The following ZNF581 variants were observed in gnomAD, a reference collection of about 807,000 sequenced individuals.
ZNF581 encodes zinc finger protein 581.
Under a neutral mutation model 1.2 loss-of-function variants are expected in ZNF581, and 1 was observed. The observed-to-expected ratio is 0.83, with a 90% CI of 0.30 to 3.95. The LOEUF is 3.95. Ranked by LOEUF, ZNF581 falls within the 30% of genes most tolerant of loss-of-function variation. The probability of loss-of-function intolerance (pLI) is 0.18; values close to 1 mark genes in which losing one functional copy is unlikely to be tolerated. For missense variants in ZNF581, 273 were observed against 274.6 expected (o/e 0.99, Z 0.04); for synonymous variants, 105 against 109.2 (o/e 0.96, Z 0.24).
upstream of ZNF581, chr19:55,642,170 T>C (rs1982540484): frequency 2.8e-6 from 3 of 1,075,682 alleles, no homozygotes; most frequent in Admixed American, 5.3e-5. Context: ...TAGGGATTGA[T>C]TGTCTGCTGG....
chr19:55,642,623 C>A (rs766393842), upstream of ZNF581: 1 of 1,453,852 alleles, frequency 6.9e-7, no homozygotes, highest in Non-Finnish European at 9.1e-7. Context: ...CTCCTCCACT[C>A]CTTCCTCGGC....
chr19:55,642,459 G>A, upstream of ZNF581: 3 of 1,398,302 alleles, frequency 2.1e-6, no homozygotes, highest in Non-Finnish European at 2.8e-6. Flanking sequence ...CTAAAAGGAA[G>A]TGGCAATTTT....
upstream of ZNF581, among the ~76,000 whole-genome samples, chr19:55,636,046 G>A (rs187068597): frequency 1.2e-4 from 18 of 152,224 alleles, no homozygotes; most frequent in East Asian, 3.3e-3. Flanking sequence ...GAGAAGTGAG[G>A]TGAGGAAGTG....
chr19:55,645,378 T>C lies in ZNF581; in HGVS notation c.*213T>C. 2.1e-6 allele frequency: 1 copy of C among 478,040 alleles called. No individual in the cohort carries two copies. Among genetic ancestry groups the C allele is most frequent in the South Asian group, 5.3e-5 (1 of 18,886 alleles). The allele number at this position is 478,040 out of a possible 1,614,324, so 29.6% of individuals were successfully genotyped here. On this transcript the variant is annotated 3_prime_UTR_variant, in exon 2 of 2. Coordinates refer to ENST00000270451, the MANE Select transcript of ZNF581 (RefSeq NM_016535.4). ...TGGAGCTGAGATGGGAATGAGCCCC[T>C]ACACAGAATGGAGTCCTCTAGCCTA...
chr19:55,637,881 G>A (rs576523684), upstream of ZNF581, among the ~76,000 whole-genome samples: 1 of 152,194 alleles, frequency 6.6e-6, no homozygotes, highest in South Asian at 2.1e-4. Flanking sequence ...AGCAATGGCT[G>A]TTCCCGAGTG....
rs552229151 is a variant in ZNF581, at chr19:55,635,754, T to C, written c.-20+42T>C. 5.1e-6 allele frequency: 5 copies of C among 984,818 alleles called. 1 individual carries two copies. The Admixed American group carries it at 2.5e-4, about 49-fold the overall frequency. 61.0% of individuals were successfully genotyped at this position (984,818 alleles called of 1,614,324 possible). On this transcript the variant is annotated intron_variant, in intron 1 of 1. Coordinates refer to the ZNF581 transcript ENST00000587252. Reference sequence around the variant, plus strand: ...GGTGGGAAAGGTGGCTGAGGCCAGGTTGTGAGAGGCCTTTCATGGCAGGCT... The same window carrying C: ...GGTGGGAAAGGTGGCTGAGGCCAGGCTGTGAGAGGCCTTTCATGGCAGGCT...
upstream of ZNF581, chr19:55,643,002 T>C: frequency 7.3e-7 from 1 of 1,366,728 alleles, no homozygotes; most frequent in Non-Finnish European, 9.4e-7. Context: ...GCCGCGGAGC[T>C]GGCGCAGCAC....
At chr19:55,642,612 C>A, upstream of ZNF581, 1 of 1,456,864 alleles carries the variant, frequency 6.9e-7, no homozygotes, top group Non-Finnish European at 9.0e-7. Context: ...GCGGAAGGCC[C>A]CTCCTCCACT....
chr19:55,642,998 G>A (rs2123632005), upstream of ZNF581: 1 of 1,368,430 alleles, frequency 7.3e-7, no homozygotes, highest in Non-Finnish European at 9.4e-7. Context: ...GGACGCCGCG[G>A]AGCTGGCGCA....
At chr19:55,636,992 C>T (rs1982130795), upstream of ZNF581, among the ~76,000 whole-genome samples, 1 of 152,128 alleles carries the variant, frequency 6.6e-6, no homozygotes, top group African/African-American at 2.4e-5. Flanking sequence ...TCTGGGTTTA[C>T]TCTAAGGGCA....
chr19:55,645,257 C>G lies in ZNF581; in HGVS notation c.*92C>G. On this transcript the variant is annotated 3_prime_UTR_variant, in exon 2 of 2. Transcript: ENST00000270451. The stretch of plus-strand genomic sequence containing the variant: ...CTGGTGAGAGCCTGAGGCTGGTGTT[C>G]AGGGCCCTGGACACAGACACAGAGC... 1 of 1,196,608 alleles carries G rather than the reference C, an allele frequency of 8.4e-7. No homozygotes were observed. The highest frequency in any genetic ancestry group is 1.2e-6 in the Non-Finnish European group (1 of 869,476). 74.1% of individuals were successfully genotyped at this position (1,196,608 alleles called of 1,614,324 possible).
chr19:55,638,866 G>A (rs897032098), upstream of ZNF581, among the ~76,000 whole-genome samples: 7 of 151,864 alleles, frequency 4.6e-5, no homozygotes, highest in South Asian at 2.1e-4. Context: ...ACAGCTGGGC[G>A]TGGTAGTGCA....
chr19:55,637,593 A>C (rs942125385), upstream of ZNF581, among the ~76,000 whole-genome samples: 5 of 152,048 alleles, frequency 3.3e-5, no homozygotes, highest in Non-Finnish European at 2.9e-5. Flanking sequence ...ATGGAGGCGG[A>C]GGCTGCTGCT....
chr19:55,642,175 T>C (rs145738969), upstream of ZNF581: 4 of 1,104,408 alleles, frequency 3.6e-6, no homozygotes, highest in East Asian at 1.6e-4. Context: ...ATTGATTGTC[T>C]GCTGGGGTGG....
upstream of ZNF581, among the ~76,000 whole-genome samples, chr19:55,637,852 C>G (rs879367301): frequency 6.6e-6 from 1 of 152,170 alleles, no homozygotes; most frequent in Non-Finnish European, 1.5e-5. Context: ...TAGCTCTGCC[C>G]TGAGGATGCT....
upstream of ZNF581, chr19:55,635,193 C>T (rs1179995029): frequency 2.0e-5 from 3 of 152,224 alleles, no homozygotes; most frequent in African/African-American, 4.8e-5. Flanking sequence ...GCGAAGGAGG[C>T]TTGGGGAGGG....
Position 55,644,534 on chromosome 19 carries a change from C to A in ZNF581, c.-19-19C>A. Reference sequence around the variant, plus strand: ...GCCCTCTTCTATATAACCTTCTTATCCCATCTCCCATCCACCAGGCCTCAG... The same window carrying A: ...GCCCTCTTCTATATAACCTTCTTATACCATCTCCCATCCACCAGGCCTCAG... On this transcript the variant is annotated intron_variant, in intron 1 of 1. Coordinates refer to ENST00000270451, the MANE Select transcript of ZNF581 (RefSeq NM_016535.4). The surrounding 1 kb of genome is among the most constrained non-coding windows in gnomAD (Gnocchi z 4.3). The A allele has an allele frequency of 2.0e-6, 3 of 1,473,402 alleles. No homozygotes were observed. The highest frequency in any genetic ancestry group is 2.7e-6 in the Non-Finnish European group (3 of 1,092,906). 91.3% of individuals were successfully genotyped at this position (1,473,402 alleles called of 1,614,324 possible).
upstream of ZNF581, chr19:55,640,133 T>C: frequency 1.0e-6 from 1 of 985,442 alleles, no homozygotes; most frequent in Non-Finnish European, 1.2e-6. Flanking sequence ...CAGCTGCACC[T>C]GCAGATGCTG....
chr19:55,645,174 GC>G lies in ZNF581; in HGVS notation c.*11del. On this transcript the variant is annotated 3_prime_UTR_variant, in exon 2 of 2. Coordinates refer to ENST00000270451, the MANE Select transcript of ZNF581 (RefSeq NM_016535.4). Reference sequence around the variant, plus strand: ...GGTGGAAGCATCCATGAGCCGGGCTGCCGGGTGCCCCAGGTACCACAGGACT... The same window carrying G: ...GGTGGAAGCATCCATGAGCCGGGCTGCGGGTGCCCCAGGTACCACAGGACT... The G allele has an allele frequency of 1.3e-6, 2 of 1,512,456 alleles. No homozygotes were observed. Among genetic ancestry groups the G allele is most frequent in the South Asian group, 1.3e-5 (1 of 75,298 alleles). The allele number at this position is 1,512,456 out of a possible 1,614,324, so 93.7% of individuals were successfully genotyped here.
Sources: allele counts gnomAD v4.1 joint callset (sites outside exome capture counted in the v4.1 genomes callset), GRCh38; gene constraint gnomAD v4.1.1; non-coding constraint Gnocchi (gnomAD v3.1); transcripts MANE v1.5; gene names NCBI Gene and HGNC (gene_info 2026-07-23, HGNC 2026-07-21).